The following SLC7A9 variants were observed in gnomAD, a reference collection of about 807,000 sequenced individuals.
SLC7A9 encodes the protein solute carrier family 7 member 9.
SLC7A9 carries 38 observed loss-of-function variants against 54.1 expected under a neutral mutation model. The ratio of observed to expected loss-of-function variants is 0.70; its 90% CI spans 0.54 to 0.92. SLC7A9 has a LOEUF of 0.92. Among genes scored for constraint, SLC7A9 ranks in the 40% least tolerant of loss-of-function variants. SLC7A9 has a pLI of 0.00. For missense variants in SLC7A9, 537 were observed against 636.1 expected, an observed-to-expected ratio of 0.84 and a Z score of 1.68; for synonymous variants, 264 against 258.9, an observed-to-expected ratio of 1.02 and a Z score of -0.19.
intron 3 of SLC7A9, 75 bp from the exon 4 acceptor site, chr19:32,864,413 C>CGGTG: frequency 6.3e-7 from 1 of 1,596,572 alleles, no homozygotes; most frequent in Non-Finnish European, 8.5e-7. Flanking sequence ...TTCCTCCCAC[C>CGGTG]GGAGGCTGCG....
rs139636754 is a variant in SLC7A9 at position 32,832,104 on chromosome 19, C to T, written c.1399+1045G>A. On this transcript the variant is annotated intron_variant, in intron 12 of 12. Transcript: ENST00000023064. ...CAGCCTGGCCAACATGATGAAACCCCGACTCTACTAAAAATACAAAACAAC... is the reference window on the plus strand; with the variant it reads ...CAGCCTGGCCAACATGATGAAACCCTGACTCTACTAAAAATACAAAACAAC... Among the ~76,000 whole-genome samples the T allele has an allele frequency of 9.4e-3, 1,434 of 151,800 alleles. 27 individuals are homozygous for T. The highest frequency in any genetic ancestry group is 0.033 in the African/African-American group (1,371 of 41,384).
chr19:32,864,206 G>T lies in SLC7A9; in HGVS notation c.368C>A (p.Thr123Lys). The T allele has an allele frequency of 1.2e-6, 2 of 1,614,210 alleles. No homozygotes were observed. Among genetic ancestry groups the T allele is most frequent in the Non-Finnish European group, 1.7e-6 (2 of 1,180,012 alleles). ...GCTGAGGCAGATGATGGCGAAGGAC[G>T]TGGGCTTAATGACGATCAGGCTGGC... ...SWASLIVIKP[T>K]SFAIICLSFS... Residue 123 changes from threonine (T) to lysine (K), a missense_variant, in exon 4 of 13, where the codon ACG becomes AAG. Thr to Lys is a moderately conservative substitution (Grantham distance 78). Transcript: ENST00000023064.
At position 32,856,031 on chromosome 19, in the gene SLC7A9, C is replaced by T. The variant is rs113386483; in HGVS notation, c.977+2409G>A. Among the ~76,000 whole-genome samples the T allele has an allele frequency of 1.9e-4, 29 of 152,168 alleles. 2 individuals are homozygous for T. Among genetic ancestry groups the T allele is most frequent in the African/African-American group, 6.7e-4 (28 of 41,504 alleles). The stretch of plus-strand genomic sequence containing the variant: ...AAACATAGCAATAGAGAGTAGAATG[C>T]TGGTTACCAGAGGCTGAAGGAAGAG... On this transcript the variant is annotated intron_variant, in intron 9 of 12. Transcript: ENST00000023064.
At chr19:32,850,808 A>G (rs1438088728) in intron 9 of SLC7A9, among the ~76,000 whole-genome samples, 5 of 152,308 alleles carry the variant, frequency 3.3e-5, no homozygotes, top group African/African-American at 1.2e-4. Context: ...ACAGCATGGT[A>G]CTGGTACCAA....
At chr19:32,864,423 G>T in intron 3 of SLC7A9, 85 bp from the exon 4 acceptor site, 1 of 1,586,576 alleles carries the variant, frequency 6.3e-7, no homozygotes, top group Admixed American at 1.7e-5. Flanking sequence ...CGGAGGCTGC[G>T]CTCGTATGGA....
chr19:32,861,537 C>G (rs183247220), intron 6 of SLC7A9, among the ~76,000 whole-genome samples: 1 of 152,090 alleles, frequency 6.6e-6, no homozygotes, highest in African/African-American at 2.4e-5. Context: ...TGGGGCTGGG[C>G]GCAGTGGCTC....
At chr19:32,848,613 TAGAC>T (rs1178767231) in intron 9 of SLC7A9, among the ~76,000 whole-genome samples, 1 of 152,096 alleles carries the variant, frequency 6.6e-6, no homozygotes, top group African/African-American at 2.4e-5. Context: ...CTGTCAACAT[TAGAC>T]AGATCAACAA....
chr19:32,858,633 C>G, intron 8 of SLC7A9, 90 bp from the exon 9 acceptor site: 1 of 975,924 alleles, frequency 1.0e-6, no homozygotes, highest in Admixed American at 2.0e-5. Context: ...TCCCAGGGGA[C>G]CCAGGGACCC....
At chr19:32,865,975 AC>A (rs1968958772) in intron 2 of SLC7A9, among the ~76,000 whole-genome samples, 1 of 143,588 alleles carries the variant, frequency 7.0e-6, no homozygotes, top group Admixed American at 7.0e-5. Context: ...AAAAAAAAAA[AC>A]CTGCACATTA....
chr19:32,855,150 C>A (rs1341771264), intron 9 of SLC7A9, among the ~76,000 whole-genome samples: 1 of 152,158 alleles, frequency 6.6e-6, no homozygotes, highest in Non-Finnish European at 1.5e-5. Context: ...CTTTTGACAA[C>A]AGAGATGACT....
rs563540749 is a variant in SLC7A9 at position 32,864,726 on chromosome 19, A to T, written c.138T>A (p.Ser46=). 35 of 1,614,202 alleles carry T rather than the reference A, an allele frequency of 2.2e-5. No homozygotes were observed. The highest frequency in any genetic ancestry group is 2.9e-5 in the Non-Finnish European group (34 of 1,180,028). ...CAGACTTGGGGGAAACGAAGATCCC[A>T]GAGCCAATGATGGTGCCCACGATGA... The part of the protein sequence containing the change: ...ISIIVGTIIG[S]GIFVSPKSVL... Residue 46 remains serine, a synonymous_variant, in exon 3 of 13, where the codon TCT becomes TCA. Transcript: ENST00000023064.
chr19:32,842,468 CT>C, intron 10 of SLC7A9, 151 bp from the exon 11 acceptor site: 1 of 736,744 alleles, frequency 1.4e-6, no homozygotes. Context: ...TTAAACCTGA[CT>C]TTGGCTATGA....
intron 9 of SLC7A9, among the ~76,000 whole-genome samples, chr19:32,852,269 T>C (rs1202136731): frequency 1.3e-5 from 2 of 152,038 alleles, no homozygotes; most frequent in Admixed American, 1.3e-4. Flanking sequence ...AGTGGGTGGA[T>C]TGCTTGAGGC....
chr19:32,864,308 A>G lies in SLC7A9; in HGVS notation c.266T>C (p.Met89Thr), dbSNP rs1294945309. ...ATACTCTCCCCCTGACTTGGTGATC[A>G]TTGTGCCAAGCTCCGCAAAGCACAG... ...GALCFAELGT[M>T]ITKSGGEYPY... The change falls in exon 4 of 13, where the codon ATG becomes ACG. Residue 89 changes from methionine to threonine, a missense_variant. Physicochemically the swap from Met to Thr is moderately conservative, Grantham distance 81 (BLOSUM62 -1). Transcript: ENST00000023064. 2 of 1,613,890 alleles carry G rather than the reference A, an allele frequency of 1.2e-6. No individual in the cohort carries two copies. The highest frequency in any genetic ancestry group is 8.5e-7 in the Non-Finnish European group (1 of 1,179,982).
intron 11 of SLC7A9, 57 bp downstream of exon 11, chr19:32,842,111 A>C: frequency 1.3e-6 from 2 of 1,548,148 alleles, no homozygotes; most frequent in Non-Finnish European, 1.8e-6. Context: ...TGAAAGAGTT[A>C]CATCTAATTC....
At chr19:32,842,597 TTTTTGTTTTGTTTTG>T (rs3837976) in intron 10 of SLC7A9, among the ~76,000 whole-genome samples, 12 of 149,114 alleles carry the variant, frequency 8.0e-5, no homozygotes, top group African/African-American at 2.5e-4. Flanking sequence ...ACTGTGGGTT[TTTTTGTTTTGTTTTG>T]TTTTGTTTTG....
intron 2 of SLC7A9, among the ~76,000 whole-genome samples, chr19:32,865,047 T>C (rs1968926629): frequency 6.6e-6 from 1 of 152,160 alleles, no homozygotes; most frequent in Non-Finnish European, 1.5e-5. Context: ...ACAGAAAGAT[T>C]AGGAGGCTGT....
intron 9 of SLC7A9, among the ~76,000 whole-genome samples, chr19:32,853,008 G>C (rs546298620): frequency 2.9e-4 from 44 of 150,372 alleles, no homozygotes; most frequent in African/African-American, 1.0e-3. Flanking sequence ...CCGTCCCCCA[G>C]GTTCAAGCCA....
chr19:32,853,594 T>C (rs1408675991), intron 9 of SLC7A9, among the ~76,000 whole-genome samples: 1 of 146,122 alleles, frequency 6.8e-6, no homozygotes, highest in East Asian at 2.1e-4. Flanking sequence ...AAGAACTATA[T>C]ACCAAAAACT....
Sources: allele counts gnomAD v4.1 joint callset (sites outside exome capture counted in the v4.1 genomes callset), GRCh38; gene constraint gnomAD v4.1.1; transcripts MANE v1.5; gene names NCBI Gene and HGNC (gene_info 2026-07-23, HGNC 2026-07-21).